Variants in TMEM35B observed in about 807,000 individuals in gnomAD.
The protein encoded by TMEM35B is ZMYM6 neighbor protein.
TMEM35B carries 6 observed loss-of-function variants against 8.7 expected under a neutral mutation model. The observed-to-expected ratio is 0.69, with a 90% CI of 0.38 to 1.36. The LOEUF is 1.36. Among genes scored for constraint, TMEM35B ranks in the 40% most tolerant of loss-of-function variants. The probability of loss-of-function intolerance (pLI) is 0.02; values close to 1 mark genes in which losing one functional copy is unlikely to be tolerated. For missense variants in TMEM35B, 176 were observed against 181.6 expected (o/e 0.97, Z 0.18); for synonymous variants, 89 against 87.0 (o/e 1.02, Z -0.13).
intron 1 of TMEM35B, 40 bp from the exon 2 acceptor site, chr1:34,983,987 A>G (rs1640535254): frequency 7.0e-7 from 1 of 1,420,638 alleles, no homozygotes; most frequent in Admixed American, 2.7e-5. Context: ...TCATTGTTCA[A>G]CAAGGATGAG....
intron 1 of TMEM35B, among the ~76,000 whole-genome samples, chr1:34,984,914 C>T (rs1017957861): frequency 3.3e-5 from 5 of 151,726 alleles, no homozygotes; most frequent in Admixed American, 3.3e-4. Flanking sequence ...CCCCCAGGGT[C>T]CGGGGGGGTG....
chr1:34,984,014 T>C (rs766870501), intron 1 of TMEM35B, 67 bp from the exon 2 acceptor site: 13 of 1,378,752 alleles, frequency 9.4e-6, no homozygotes, highest in Non-Finnish European at 1.2e-5. Context: ...AGATGCTCCA[T>C]GGCATATCTA....
downstream of TMEM35B, chr1:34,981,487 G>A (rs1344456100): frequency 6.6e-6 from 1 of 152,076 alleles, no homozygotes; most frequent in Non-Finnish European, 1.5e-5. Flanking sequence ...TCCTTGCAAT[G>A]GAATACTATG....
intron 2 of TMEM35B, 74 bp from the exon 3 acceptor site, chr1:34,982,193 T>G (rs1379504822): frequency 7.2e-7 from 1 of 1,395,132 alleles, no homozygotes; most frequent in Non-Finnish European, 9.5e-7. Context: ...GCTCTCTAGT[T>G]TAGGCTGACC....
exon 1 of TMEM35B, chr1:34,985,301 G>T (rs1346459593): frequency 2.0e-6 from 3 of 1,530,130 alleles, no homozygotes; most frequent in African/African-American, 2.8e-5. Context: ...AAGCAGGAGC[G>T]CCATGGCCGC....
Position 34,983,950 on chromosome 1 carries a change from A to G in TMEM35B, c.109-3T>C. On this transcript the variant is annotated splice_region_variant and splice_polypyrimidine_tract_variant and intron_variant, in intron 1 of 2. Coordinates refer to ENST00000373337, the Ensembl canonical transcript of TMEM35B. ...GCAAACTGCACGAACAGGGCATTCT[A>G]GGGGTGGCAAGGAATGCCTGTTAGC... The G allele has an allele frequency of 6.8e-7, 1 of 1,478,316 alleles. No individual in the cohort carries two copies. Among genetic ancestry groups the G allele is most frequent in the Non-Finnish European group, 9.0e-7 (1 of 1,107,282 alleles). The allele number at this position is 1,478,316 out of a possible 1,614,324, so 91.6% of individuals were successfully genotyped here.
At chr1:34,981,658 C>T (rs770866585) in exon 3 of TMEM35B, 7 of 180,948 alleles carry the variant, frequency 3.9e-5, no homozygotes, top group Non-Finnish European at 5.8e-5. Flanking sequence ...TATACTTACA[C>T]CAAGGCATTA....
At chr1:34,982,644 T>C (rs1015020505) in intron 2 of TMEM35B, among the ~76,000 whole-genome samples, 2 of 151,966 alleles carry the variant, frequency 1.3e-5, no homozygotes, top group Non-Finnish European at 2.9e-5. Context: ...GCCCGGCTAA[T>C]GTTTGTATTT....
exon 3 of TMEM35B, chr1:34,982,078 T>C: frequency 6.5e-7 from 1 of 1,548,666 alleles, no homozygotes; most frequent in African/African-American, 1.4e-5. Context: ...GGGATACAGG[T>C]GCTTAGTGAC....
At chr1:34,981,780 CA>C (rs1640509216) in exon 3 of TMEM35B, 1 of 539,872 alleles carries the variant, frequency 1.9e-6, no homozygotes, top group African/African-American at 1.9e-5. Flanking sequence ...GTACTCCTCA[CA>C]AAAGAGTAGT....
intron 2 of TMEM35B, among the ~76,000 whole-genome samples, chr1:34,983,342 G>A (rs1022718458): frequency 6.6e-6 from 1 of 152,084 alleles, no homozygotes; most frequent in Non-Finnish European, 1.5e-5. Context: ...ACTTTGGGAG[G>A]CCAAGGCGGG....
chr1:34,985,184 C>T lies in TMEM35B; in HGVS notation c.108+14G>A, dbSNP rs1429356710. ...CGCGGGCCCGATCCCCTGCCGCCCGCCCGCGCCGCTCACCATCCGCTCCGA... is the reference window on the plus strand; with the variant it reads ...CGCGGGCCCGATCCCCTGCCGCCCGTCCGCGCCGCTCACCATCCGCTCCGA... On this transcript the variant is annotated intron_variant, in intron 1 of 2. Transcript: ENST00000373337. The T allele has an allele frequency of 2.0e-6, 3 of 1,529,744 alleles. No individual in the cohort carries two copies. The highest frequency in any genetic ancestry group is 4.0e-5 in the Admixed American group (2 of 49,818). 94.8% of individuals were successfully genotyped at this position (1,529,744 alleles called of 1,614,324 possible).
chr1:34,985,109 G>A (rs1369790787), intron 1 of TMEM35B, 89 bp downstream of exon 1: 3 of 1,042,564 alleles, frequency 2.9e-6, no homozygotes, highest in Non-Finnish European at 3.9e-6. Context: ...AAGCCCGAAG[G>A]CGGCCTGCCG....
intron 2 of TMEM35B, among the ~76,000 whole-genome samples, chr1:34,983,304 C>T (rs1640526282): frequency 6.6e-6 from 1 of 152,132 alleles, no homozygotes; most frequent in Non-Finnish European, 1.5e-5. Context: ...CTAGGCCGGG[C>T]ATAGTGGCTC....
chr1:34,982,084 G>A lies in TMEM35B; in HGVS notation c.325C>T (p.Leu109=), dbSNP rs1366298776. ...ACAATGGCTGGGATACAGGTGCTTA[G>A]TGACTCTTTCAGAGCTGCCAAGGTG... The change falls in exon 3 of 3, where the codon CTA becomes TTA. Residue 109 remains leucine (L), a synonymous_variant. Transcript: ENST00000373337. 7 of 1,548,526 alleles carry A rather than the reference G, an allele frequency of 4.5e-6. No homozygotes were observed. The African/African-American group carries it at 8.2e-5, about 18-fold the overall frequency.
chr1:34,983,728 C>T (rs928255436), intron 2 of TMEM35B, 39 bp downstream of exon 2: 21 of 1,432,862 alleles, frequency 1.5e-5, no homozygotes, highest in Non-Finnish European at 1.8e-5. Flanking sequence ...AATCCTCCCC[C>T]AGAAGACCCC....
exon 1 of TMEM35B, chr1:34,985,220 G>A: frequency 1.3e-6 from 2 of 1,540,378 alleles, no homozygotes; most frequent in Non-Finnish European, 8.7e-7. Context: ...AACTGGAGCC[G>A]AGATCTCCTC....
At chr1:34,985,096 C>T (rs1008962566) in intron 1 of TMEM35B, 102 bp downstream of exon 1, 121 of 894,704 alleles carry the variant, frequency 1.4e-4, no homozygotes, top group Admixed American at 4.2e-5. Flanking sequence ...AGCTGAGCCT[C>T]GGAAGCCCGA....
At chr1:34,984,017 C>G (rs1640535489) in intron 1 of TMEM35B, 70 bp from the exon 2 acceptor site, 1 of 1,366,406 alleles carries the variant, frequency 7.3e-7, no homozygotes, top group South Asian at 1.8e-5. Context: ...TGCTCCATGG[C>G]ATATCTATGC....
Sources: gnomAD v4.1 joint callset for allele counts (sites outside exome capture counted in the v4.1 genomes callset) on GRCh38, gnomAD v4.1.1 for gene constraint, MANE v1.5 for transcripts, NCBI Gene and HGNC (gene_info 2026-07-23, HGNC 2026-07-21) for gene names.